STXBP6: variants seen among roughly 807,000 people sequenced by gnomAD.
STXBP6 encodes syntaxin binding protein 6.
A neutral mutation model predicts 26.9 loss-of-function variants in STXBP6; 21 were observed. The observed-to-expected ratio is 0.78, with a 90% CI of 0.55 to 1.12. The LOEUF (loss-of-function observed/expected upper bound fraction) is 1.12. Ranked by LOEUF, STXBP6 falls within the 50% of genes most tolerant of loss-of-function variation. The probability of loss-of-function intolerance (pLI) is 0.00; values close to 1 mark genes in which losing one functional copy is unlikely to be tolerated. For synonymous variants in STXBP6, 97 were observed against 92.6 expected, an observed-to-expected ratio of 1.05 and a Z score of -0.27; for missense variants, 232 against 257.9, an observed-to-expected ratio of 0.90 and a Z score of 0.69.
intron 1 of STXBP6, among the ~76,000 whole-genome samples, chr14:25,045,071 G>A (rs908347223): frequency 2.0e-5 from 3 of 151,966 alleles, no homozygotes; most frequent in East Asian, 1.9e-4. Flanking sequence ...CTATATTTTC[G>A]GGATATACTA....
intron 2 of STXBP6, among the ~76,000 whole-genome samples, chr14:24,938,008 G>C (rs1014536573): frequency 6.6e-6 from 1 of 152,118 alleles, no homozygotes; most frequent in Non-Finnish European, 1.5e-5. Flanking sequence ...AATCATATAC[G>C]AGCAATCTGC....
intron 1 of STXBP6, among the ~76,000 whole-genome samples, chr14:24,984,190 C>T (rs1322321969): frequency 4.6e-5 from 7 of 152,054 alleles, no homozygotes; most frequent in Non-Finnish European, 7.4e-5. Context: ...CGAGATCGTG[C>T]GACTGCACTC....
intron 2 of STXBP6, among the ~76,000 whole-genome samples, chr14:24,930,159 C>T (rs8003472): frequency 0.097 from 14,714 of 152,260 alleles, 777 homozygotes; most frequent in East Asian, 0.16. Flanking sequence ...TAACATATTG[C>T]TCAGATGGCT....
intron 2 of STXBP6, among the ~76,000 whole-genome samples, chr14:24,861,875 T>C (rs854338): frequency 0.61 from 92,260 of 152,060 alleles, 28,962 homozygotes; most frequent in Admixed American, 0.72. Flanking sequence ...CAAGTTTGTC[T>C]CTGGGGCCCT....
chr14:24,899,104 A>C (rs1300623341), intron 2 of STXBP6, among the ~76,000 whole-genome samples: 2 of 152,194 alleles, frequency 1.3e-5, no homozygotes, highest in Non-Finnish European at 2.9e-5. Flanking sequence ...CACACAATAG[A>C]CAGCACTTTG....
At chr14:25,017,896 C>T (rs2075184591) in intron 1 of STXBP6, among the ~76,000 whole-genome samples, 1 of 152,152 alleles carries the variant, frequency 6.6e-6, no homozygotes, top group South Asian at 2.1e-4. Flanking sequence ...TCTCTGCTTG[C>T]TATCCAGTAG....
intron 2 of STXBP6, among the ~76,000 whole-genome samples, chr14:24,942,831 T>G (rs1044068320): frequency 6.6e-6 from 1 of 152,186 alleles, no homozygotes; most frequent in African/African-American, 2.4e-5. Context: ...CTCAAACTGA[T>G]AGCTATGTAG....
At chr14:24,918,837 G>T (rs1353647275) in intron 2 of STXBP6, among the ~76,000 whole-genome samples, 1 of 151,982 alleles carries the variant, frequency 6.6e-6, no homozygotes, top group African/African-American at 2.4e-5. Flanking sequence ...TAAATATAAG[G>T]TTTCAATTTT....
At chr14:24,868,389 A>G (rs1340702545) in intron 2 of STXBP6, among the ~76,000 whole-genome samples, 2 of 152,154 alleles carry the variant, frequency 1.3e-5, no homozygotes, top group East Asian at 1.9e-4. Flanking sequence ...TAAAACCACA[A>G]TAAGATATTA....
At chr14:24,876,027 G>A (rs1474016026) in intron 2 of STXBP6, among the ~76,000 whole-genome samples, 1 of 152,042 alleles carries the variant, frequency 6.6e-6, no homozygotes, top group East Asian at 1.9e-4. Context: ...GGTGAGAGGT[G>A]GGTTTTTGGT....
chr14:24,942,799 T>C (rs569449680), intron 2 of STXBP6, among the ~76,000 whole-genome samples: 1 of 152,294 alleles, frequency 6.6e-6, no homozygotes, highest in South Asian at 2.1e-4. Flanking sequence ...CAGACCAATA[T>C]CTATGTGCAT....
At chr14:24,966,116 C>A (rs1486221739) in intron 2 of STXBP6, among the ~76,000 whole-genome samples, 2 of 152,162 alleles carry the variant, frequency 1.3e-5, no homozygotes, top group Non-Finnish European at 2.9e-5. Context: ...GGTGGGAGAG[C>A]ACACAGATGG....
chr14:24,872,119 C>T (rs1290275953), intron 2 of STXBP6, among the ~76,000 whole-genome samples: 1 of 152,100 alleles, frequency 6.6e-6, no homozygotes, highest in Non-Finnish European at 1.5e-5. Flanking sequence ...GCCAAAATTC[C>T]CACGAAGACT....
intron 1 of STXBP6, among the ~76,000 whole-genome samples, chr14:25,044,549 C>T (rs2075696651): frequency 6.6e-6 from 1 of 152,208 alleles, no homozygotes; most frequent in Non-Finnish European, 1.5e-5. Flanking sequence ...GCCTCCACTC[C>T]TGCAACCAGC....
intron 2 of STXBP6, among the ~76,000 whole-genome samples, chr14:24,912,160 A>C (rs1371253591): frequency 6.6e-6 from 1 of 152,208 alleles, no homozygotes; most frequent in Non-Finnish European, 1.5e-5. Flanking sequence ...CCCAATCTGA[A>C]CAAGGAATTC....
chr14:24,993,150 C>T (rs1242899804), intron 1 of STXBP6, among the ~76,000 whole-genome samples: 1 of 152,178 alleles, frequency 6.6e-6, no homozygotes, highest in African/African-American at 2.4e-5. Context: ...GCTGAAAACA[C>T]ATCACATCTA....
chr14:24,954,594 T>C lies in STXBP6; in HGVS notation c.154+20071A>G, dbSNP rs1390335136. ...AGATCTGCGTGAGAGCTGCCTTTAG[T>C]GCGACCACAGATGTGGAACAAGCAT... On this transcript the variant is annotated intron_variant, in intron 2 of 5. Transcript: ENST00000323944. Among the ~76,000 whole-genome samples the C allele has an allele frequency of 1.3e-5, 2 of 152,146 alleles. 1 individual carries two copies. Among genetic ancestry groups the C allele is most frequent in the South Asian group, 4.2e-4 (2 of 4,816 alleles).
At chr14:24,940,629 A>C (rs937245558) in intron 2 of STXBP6, among the ~76,000 whole-genome samples, 1 of 152,108 alleles carries the variant, frequency 6.6e-6, no homozygotes, top group African/African-American at 2.4e-5. Context: ...CCTGGATGCA[A>C]ACCTTTTCCA....
At chr14:24,991,715 A>AAAAG (rs1313745810) in intron 1 of STXBP6, among the ~76,000 whole-genome samples, 2 of 152,248 alleles carry the variant, frequency 1.3e-5, no homozygotes, top group Non-Finnish European at 2.9e-5. Context: ...GTCATCTAAC[A>AAAAG]AAAGAAAGAA....
Sources: allele counts gnomAD v4.1 joint callset (sites outside exome capture counted in the v4.1 genomes callset), GRCh38; gene constraint gnomAD v4.1.1; transcripts MANE v1.5; gene names NCBI Gene and HGNC (gene_info 2026-07-23, HGNC 2026-07-21).